IQSEC1: variants seen among roughly 807,000 people sequenced by gnomAD.
The protein encoded by IQSEC1 is IQ motif and SEC7 domain-containing protein 1.
IQSEC1 carries 31 observed loss-of-function variants against 91.0 expected under a neutral mutation model. That is an observed-to-expected ratio of 0.34 (90% CI 0.26 to 0.46). The LOEUF (loss-of-function observed/expected upper bound fraction) is 0.46. Among genes scored for constraint, IQSEC1 ranks in the 20% least tolerant of loss-of-function variants. The pLI is 1.00. For synonymous variants in IQSEC1, 699 were observed against 662.6 expected (o/e 1.05, Z -0.84); for missense variants, 1,388 against 1,575.6 (o/e 0.88, Z 2.02).
intron 1 of IQSEC1, among the ~76,000 whole-genome samples, chr3:13,192,142 T>C (rs1434958119): frequency 6.6e-6 from 1 of 152,076 alleles, no homozygotes; most frequent in Non-Finnish European, 1.5e-5. Context: ...GAGACCATCC[T>C]GGCTAACACG....
intron 2 of IQSEC1, among the ~76,000 whole-genome samples, chr3:13,162,055 G>A (rs1360857454): frequency 6.6e-6 from 1 of 152,202 alleles, no homozygotes; most frequent in East Asian, 1.9e-4. Context: ...ATCCGCTGGA[G>A]TGAACACCAG....
chr3:13,088,378 A>G (rs1705776908), intron 2 of IQSEC1, among the ~76,000 whole-genome samples: 1 of 152,078 alleles, frequency 6.6e-6, no homozygotes, highest in African/African-American at 2.4e-5. Context: ...CACCACATCT[A>G]TGAGAGCACA....
At chr3:13,230,514 G>T (rs183237202) in intron 1 of IQSEC1, among the ~76,000 whole-genome samples, 4 of 152,322 alleles carry the variant, frequency 2.6e-5, no homozygotes, top group African/African-American at 9.6e-5. Flanking sequence ...CAAAACTGTT[G>T]CCATGAGCTT....
At position 13,249,114 on chromosome 3, in the gene IQSEC1, C is replaced by T. The variant is rs534006450; in HGVS notation, c.272+33597G>A. 5.8e-4 allele frequency among the ~76,000 whole-genome samples: 87 copies of T among 149,740 alleles called. 1 individual carries two copies. Among genetic ancestry groups the T allele is most frequent in the Admixed American group, 5.3e-3 (79 of 15,010 alleles). ...CAGCTCTACCTCTCAAAGGGTGGGA[C>T]TTTGATGCGCAATTATAGAAAAGAA... On this transcript the variant is annotated intron_variant, in intron 1 of 15. Coordinates refer to the IQSEC1 transcript ENST00000648114.
At chr3:13,024,599 T>C (rs893123949) in intron 1 of IQSEC1, among the ~76,000 whole-genome samples, 1 of 149,240 alleles carries the variant, frequency 6.7e-6, no homozygotes, top group Non-Finnish European at 1.5e-5. Flanking sequence ...CACCCACCCA[T>C]CCATCCATCC....
chr3:13,049,030 C>T (rs554850259), intron 1 of IQSEC1, among the ~76,000 whole-genome samples: 133 of 152,314 alleles, frequency 8.7e-4, no homozygotes, highest in Non-Finnish European at 1.6e-3. Context: ...CTGGACTGGT[C>T]ACAGTCCTGT....
In IQSEC1 at chr3:12,950,978, C is replaced by CTCT. The variant is rs569803910; in HGVS notation, c.24-9116_24-9114dup. Among the ~76,000 whole-genome samples the CTCT allele has an allele frequency of 3.9e-3, 587 of 152,292 alleles. 3 individuals carry two copies. The highest frequency in any genetic ancestry group is 0.014 in the Middle Eastern group (4 of 294). On this transcript the variant is annotated intron_variant, in intron 1 of 13. Transcript: ENST00000613206. Reference sequence around the variant, plus strand: ...TTTTTTAAATAGCTGGGAGCAGTGTCTCTTGCCTGTAGTCCTGGCTACTCA... The same window carrying CTCT: ...TTTTTTAAATAGCTGGGAGCAGTGTCTCTTCTTGCCTGTAGTCCTGGCTACTCA...
chr3:12,902,685 A>C (rs1359359165), intron 13 of IQSEC1, 88 bp downstream of exon 13: 6 of 674,212 alleles, frequency 8.9e-6, no homozygotes, highest in Admixed American at 6.2e-5. Context: ...AAAAAAAAAA[A>C]AAAAAAAAAC....
At chr3:12,950,124 T>C (rs1464177611) in intron 1 of IQSEC1, among the ~76,000 whole-genome samples, 1 of 152,144 alleles carries the variant, frequency 6.6e-6, no homozygotes, top group East Asian at 1.9e-4. Flanking sequence ...AACAAGCCTG[T>C]CAAGAAAGCA....
chr3:12,967,349 C>T lies in IQSEC1; in HGVS notation c.24-25484G>A, dbSNP rs1235564520. On this transcript the variant is annotated intron_variant, in intron 1 of 13. Transcript: ENST00000613206. This position sits in a 1 kb window ranked among gnomAD's most constrained non-coding sequence, Gnocchi z 5.9. ...CAGCCTGCGCCAGCCCACCGCTCAG[C>T]ACCCGGGAAGGCCGCTCGCCCCGCG... 9 of 1,510,922 alleles carry T rather than the reference C, an allele frequency of 6.0e-6. No homozygotes were observed. In the Admixed American group the frequency reaches 1.4e-4, roughly 23 times the overall value. The allele number at this position is 1,510,922 out of a possible 1,614,324, so 93.6% of individuals were successfully genotyped here.
chr3:12,935,043 C>G lies in IQSEC1; in HGVS notation c.1568+405G>C, dbSNP rs904595620. Among the ~76,000 whole-genome samples, 1 of 150,750 alleles carries G rather than the reference C, an allele frequency of 6.6e-6. No homozygotes were observed. Among genetic ancestry groups the G allele is most frequent in the African/African-American group, 2.4e-5 (1 of 40,870 alleles). ...TGTCTGCCCCTGCCCCCCACTGACA[C>G]AACCGGTCATACCCCTGCTCAAAGG... On this transcript the variant is annotated intron_variant, in intron 3 of 13. Transcript: ENST00000613206. This position sits in a 1 kb window ranked among gnomAD's most constrained non-coding sequence, Gnocchi z 8.0.
At chr3:13,047,129 G>A (rs938922039) in intron 1 of IQSEC1, among the ~76,000 whole-genome samples, 5 of 152,164 alleles carry the variant, frequency 3.3e-5, no homozygotes, top group South Asian at 2.1e-4. Context: ...GGGAACTGCC[G>A]GCTGCAGGCT....
At chr3:12,972,963 G>A (rs979942178) in intron 1 of IQSEC1, among the ~76,000 whole-genome samples, 1 of 152,190 alleles carries the variant, frequency 6.6e-6, no homozygotes, top group Non-Finnish European at 1.5e-5. Flanking sequence ...GAACAGAAAT[G>A]TTTCCAGATA....
intron 1 of IQSEC1, among the ~76,000 whole-genome samples, chr3:13,171,524 C>T (rs553826934): frequency 6.6e-6 from 1 of 152,298 alleles, no homozygotes; most frequent in African/African-American, 2.4e-5. Flanking sequence ...GGCCATTTCC[C>T]ACTCCCTTCT....
intron 2 of IQSEC1, among the ~76,000 whole-genome samples, chr3:13,095,739 G>T (rs1350682920): frequency 1.3e-5 from 2 of 152,146 alleles, no homozygotes; most frequent in African/African-American, 4.8e-5. Context: ...CGGGCAATTT[G>T]CAGAGGGCTC....
rs1487202895 is a variant in IQSEC1, at chr3:13,118,360, AC to A, written c.302+45743del. ...GGGTCTCGAACAGATGTTTGCACAC[AC>A]ATGTTCATAACAGCATTATTTACAG... On this transcript the variant is annotated intron_variant, in intron 2 of 15. Transcript: ENST00000648114. Among the ~76,000 whole-genome samples, 3 of 152,368 alleles carry A rather than the reference AC, an allele frequency of 2.0e-5. No individual in the cohort carries two copies. In the East Asian group the frequency reaches 5.8e-4, roughly 29 times the overall value.
At chr3:12,941,374 G>T (rs1041771391) in intron 2 of IQSEC1, among the ~76,000 whole-genome samples, 197 bp downstream of exon 2, 4 of 152,254 alleles carry the variant, frequency 2.6e-5, no homozygotes, top group African/African-American at 9.6e-5. Flanking sequence ...ACGCCAGCCA[G>T]AGCCAGCTGG....
At chr3:12,914,017 A>G (rs1695825404) in intron 8 of IQSEC1, among the ~76,000 whole-genome samples, 1 of 152,210 alleles carries the variant, frequency 6.6e-6, no homozygotes, top group African/African-American at 2.4e-5. Flanking sequence ...AGAAGTAACG[A>G]CAAAACTAGG....
intron 12 of IQSEC1, among the ~76,000 whole-genome samples, chr3:12,904,346 C>G (rs922476338): frequency 1.3e-5 from 2 of 152,238 alleles, no homozygotes; most frequent in African/African-American, 2.4e-5. Context: ...CCCTCAGAGA[C>G]CACTACTGGG....
Sources: gnomAD v4.1 joint callset for allele counts (sites outside exome capture counted in the v4.1 genomes callset) on GRCh38, gnomAD v4.1.1 for gene constraint, Gnocchi (gnomAD v3.1) non-coding constraint, MANE v1.5 for transcripts, NCBI Gene and HGNC (gene_info 2026-07-23, HGNC 2026-07-21) for gene names.